HK1: variants seen among roughly 807,000 people sequenced by gnomAD.
The protein encoded by HK1 is hexokinase-1.
In HK1, 28 loss-of-function variants were observed where a neutral mutation model predicts 91.6. The ratio of observed to expected loss-of-function variants is 0.31; its 90% confidence interval spans 0.23 to 0.42. The LOEUF is 0.42. Ranked by LOEUF, HK1 falls within the 10% of genes least tolerant of loss-of-function variation. The probability of loss-of-function intolerance (pLI) is 1.00; values close to 1 mark genes in which losing one functional copy is unlikely to be tolerated. For synonymous variants in HK1, 430 were observed against 468.1 expected (o/e 0.92, Z 1.05); for missense variants, 770 against 1,219.8 (o/e 0.63, Z 5.49).
At chr10:69,364,163 G>A (rs894349882) in intron 3 of HK1, among the ~76,000 whole-genome samples, 2 of 152,228 alleles carry the variant, frequency 1.3e-5, no homozygotes, top group African/African-American at 4.8e-5. Flanking sequence ...TATTACAGGT[G>A]TTTCTCCATC....
At chr10:69,387,722 G>C (rs907514465) in intron 13 of HK1, among the ~76,000 whole-genome samples, 2 of 152,098 alleles carry the variant, frequency 1.3e-5, no homozygotes, top group African/African-American at 4.8e-5. Context: ...CTCCAGTGTT[G>C]CAATGAGTCA....
intron 1 of HK1, among the ~76,000 whole-genome samples, chr10:69,322,024 AC>A (rs1267824245): frequency 6.6e-6 from 1 of 152,194 alleles, no homozygotes; most frequent in Admixed American, 6.5e-5. Context: ...CCTCTAAGTA[AC>A]TTTAAACACG....
At chr10:69,318,514 G>T (rs747822593), upstream of HK1, among the ~76,000 whole-genome samples, 46 of 152,188 alleles carry the variant, frequency 3.0e-4, no homozygotes, top group African/African-American at 1.0e-3. Context: ...GCACCTCCCC[G>T]CCTGGCACGG....
chr10:69,306,696 T>C (rs540015022), intron 5 of HK1, among the ~76,000 whole-genome samples: 4 of 152,360 alleles, frequency 2.6e-5, no homozygotes, highest in African/African-American at 9.6e-5. Flanking sequence ...CCTTGTCCTG[T>C]ACCTGTGATG....
chr10:69,372,994 C>A (rs911961120), intron 7 of HK1, among the ~76,000 whole-genome samples: 1 of 152,084 alleles, frequency 6.6e-6, no homozygotes, highest in African/African-American at 2.4e-5. Context: ...CTCAGCCTAC[C>A]AAGTAGCTGG....
At chr10:69,341,979 C>T (rs1848314153) in intron 1 of HK1, among the ~76,000 whole-genome samples, 1 of 151,962 alleles carries the variant, frequency 6.6e-6, no homozygotes, top group Non-Finnish European at 1.5e-5. Context: ...GAAACCCTGT[C>T]TCTACTAAAA....
intron 13 of HK1, among the ~76,000 whole-genome samples, chr10:69,388,088 C>T (rs1839729121): frequency 2.0e-5 from 3 of 152,072 alleles, no homozygotes; most frequent in Admixed American, 6.6e-5. Context: ...ACAAAAAGGG[C>T]TGAGTTGCAT....
intron 3 of HK1, among the ~76,000 whole-genome samples, chr10:69,292,046 G>T (rs1186578780): frequency 1.3e-5 from 2 of 152,044 alleles, no homozygotes; most frequent in East Asian, 3.8e-4. Context: ...TTTTGCTTCC[G>T]TAGTTTTCCT....
chr10:69,276,118 A>AAAATATATATATATATATATATATAT, intron 1 of HK1, among the ~76,000 whole-genome samples: 2 of 38,272 alleles, frequency 5.2e-5, no homozygotes, highest in Non-Finnish European at 1.0e-4. Context: ...AAAAAAAAAA[A>AAAATATATATATATATATATATATAT]ATACATATAT....
At chr10:69,276,108 AAAAAAAAAAAATAC>A (rs1844431509) in intron 1 of HK1, among the ~76,000 whole-genome samples, 2 of 48,970 alleles carry the variant, frequency 4.1e-5, no homozygotes, top group Non-Finnish European at 8.0e-5. Flanking sequence ...AAAAAAAAAA[AAAAAAAAAAAATAC>A]ATATATATAT....
At chr10:69,296,037 T>G (rs959638651) in intron 4 of HK1, among the ~76,000 whole-genome samples, 3 of 152,194 alleles carry the variant, frequency 2.0e-5, no homozygotes, top group Non-Finnish European at 2.9e-5. Flanking sequence ...CCCTCCCGTC[T>G]TTTCCATTTT....
chr10:69,272,345 T>G (rs1003503224), intron 1 of HK1, among the ~76,000 whole-genome samples: 1 of 152,240 alleles, frequency 6.6e-6, no homozygotes, highest in Non-Finnish European at 1.5e-5. Flanking sequence ...GGGTCTCTGA[T>G]GCCCAGGTTA....
intron 7 of HK1, among the ~76,000 whole-genome samples, chr10:69,373,477 C>T (rs1476183902): frequency 6.6e-6 from 1 of 152,172 alleles, no homozygotes. Flanking sequence ...TTCCTTGTCT[C>T]GCCCTTATAT....
chr10:69,371,091 G>T (rs1257457892), intron 7 of HK1, among the ~76,000 whole-genome samples: 1 of 152,188 alleles, frequency 6.6e-6, no homozygotes, highest in Non-Finnish European at 1.5e-5. Flanking sequence ...CAGTACTGCA[G>T]GGTGGACAGT....
intron 7 of HK1, among the ~76,000 whole-genome samples, chr10:69,373,791 A>G (rs952201960): frequency 2.6e-5 from 4 of 151,054 alleles, no homozygotes; most frequent in African/African-American, 9.7e-5. Context: ...GGGTCTCCCT[A>G]TGTTGCCCAG....
At chr10:69,295,044 A>C (rs1589446132) in intron 3 of HK1, among the ~76,000 whole-genome samples, 1 of 144,384 alleles carries the variant, frequency 6.9e-6, no homozygotes, top group East Asian at 2.1e-4. Context: ...AGAAAGAGAG[A>C]CCCTGTCTCA....
rs202206322 is a variant in HK1, at chr10:69,343,512, G to A, written c.64-315G>A. Among the ~76,000 whole-genome samples, 3 of 152,188 alleles carry A rather than the reference G, an allele frequency of 2.0e-5. No individual in the cohort carries two copies. The East Asian group carries it at 5.8e-4, about 29-fold the overall frequency. On this transcript the variant is annotated intron_variant, in intron 1 of 17. Coordinates refer to ENST00000359426, the MANE Select transcript of HK1 (RefSeq NM_000188.3). ...TCAGAGAGAGAAGGAGGCTTGAGGTGTTCCTGATACTGGAGGAAACCTACC... is the reference window on the plus strand; with the variant it reads ...TCAGAGAGAGAAGGAGGCTTGAGGTATTCCTGATACTGGAGGAAACCTACC...
chr10:69,368,390 C>A (rs1849815395), intron 4 of HK1, 146 bp from the exon 5 acceptor site: 3 of 705,960 alleles, frequency 4.2e-6, no homozygotes, highest in East Asian at 5.4e-5. Context: ...TGAGTCTGGG[C>A]CCCTCCCCAA....
upstream of HK1, among the ~76,000 whole-genome samples, chr10:69,316,709 G>T (rs930369001): frequency 2.0e-5 from 3 of 152,264 alleles, no homozygotes; most frequent in African/African-American, 7.2e-5. Flanking sequence ...GGTTGGGCAT[G>T]GGTGATGGCA....
Sources: gnomAD v4.1 joint callset for allele counts (sites outside exome capture counted in the v4.1 genomes callset) on GRCh38, gnomAD v4.1.1 for gene constraint, MANE v1.5 for transcripts, NCBI Gene and HGNC (gene_info 2026-07-23, HGNC 2026-07-21) for gene names.